Variants in MCTP2 observed in about 807,000 individuals in gnomAD.
The protein encoded by MCTP2 is multiple C2 and transmembrane domain containing 2, also known as multiple C2 and transmembrane domain-containing protein 2.
Under a neutral mutation model 111.6 loss-of-function variants are expected in MCTP2, and 132 were observed. That is an observed-to-expected ratio of 1.18 (90% CI 1.03 to 1.37). The LOEUF (loss-of-function observed/expected upper bound fraction) is 1.37. Ranked by LOEUF, MCTP2 falls within the 40% of genes most tolerant of loss-of-function variation. The pLI, the probability that MCTP2 is intolerant of heterozygous loss-of-function variation, is 0.00. For synonymous variants in MCTP2, 395 were observed against 387.7 expected (o/e 1.02, Z -0.22); for missense variants, 1,183 against 1,067.9 (o/e 1.11, Z -1.50).
intron 4 of MCTP2, 65 bp downstream of exon 4, chr15:94,315,702 A>G: frequency 4.3e-6 from 5 of 1,162,436 alleles, no homozygotes; most frequent in Middle Eastern, 1.9e-4. Context: ...CCTTGTATCA[A>G]TATTGTCAGT....
At chr15:94,378,242 C>G in intron 12 of MCTP2, among the ~76,000 whole-genome samples, 1 of 151,936 alleles carries the variant, frequency 6.6e-6, no homozygotes, top group Non-Finnish European at 1.5e-5. Context: ...ATATTTAGGG[C>G]CAAGCGCAGT....
At chr15:94,376,469 C>T (rs776386903) in intron 12 of MCTP2, among the ~76,000 whole-genome samples, 1 of 152,208 alleles carries the variant, frequency 6.6e-6, no homozygotes, top group Non-Finnish European at 1.5e-5. Flanking sequence ...CTCCCACATA[C>T]TGGCCTTAGG....
chr15:94,343,036 G>A (rs1446048127), intron 7 of MCTP2: 3 of 119,176 alleles, frequency 2.5e-5, no homozygotes, highest in Non-Finnish European at 3.8e-5. Context: ...ATATACATAT[G>A]GAGATAAACA....
chr15:94,303,109 A>ATATAGTT lies in MCTP2; in HGVS notation c.465+4383_465+4384insGTTTATA, dbSNP rs1167800968. On this transcript the variant is annotated intron_variant, in intron 2 of 22. Transcript: ENST00000357742. ...TATATAGTTTATATAGTTTATATAT[A>ATATAGTT]TATATAGTTTATATATATAGTTTAT... 2.7e-3 allele frequency among the ~76,000 whole-genome samples: 347 copies of ATATAGTT among 130,796 alleles called. 4 individuals are homozygous for ATATAGTT. Among genetic ancestry groups the ATATAGTT allele is most frequent in the Non-Finnish European group, 1.5e-3 (94 of 64,246 alleles). The allele number at this position is 130,796 out of a possible 152,430, so 85.8% of individuals were successfully genotyped here. A position where few individuals can be genotyped will look rare whatever the true frequency, so the allele number is the denominator to read the frequency against.
At chr15:94,268,536 C>T (rs922920885) in intron 1 of MCTP2, among the ~76,000 whole-genome samples, 1 of 152,064 alleles carries the variant, frequency 6.6e-6, no homozygotes, top group Non-Finnish European at 1.5e-5. Context: ...TTGTCCTTCT[C>T]GTTTTCTTGG....
chr15:94,374,894 A>G (rs955042998), intron 12 of MCTP2, among the ~76,000 whole-genome samples: 13 of 152,228 alleles, frequency 8.5e-5, no homozygotes, highest in African/African-American at 2.9e-4. Flanking sequence ...ATGAAGTGAC[A>G]TAACAGCACA....
At chr15:94,289,785 C>G (rs985651503) in intron 1 of MCTP2, among the ~76,000 whole-genome samples, 24 of 152,102 alleles carry the variant, frequency 1.6e-4, no homozygotes, top group Admixed American at 1.2e-3. Context: ...CCCCAGATAC[C>G]CACATCCTTA....
At chr15:94,325,267 G>C (rs563833957) in intron 4 of MCTP2, among the ~76,000 whole-genome samples, 6 of 151,928 alleles carry the variant, frequency 3.9e-5, no homozygotes, top group African/African-American at 1.4e-4. Flanking sequence ...GGTGGTGGTC[G>C]TGGGGCGGGG....
At chr15:94,385,380 A>G in intron 13 of MCTP2, 43 bp from the exon 14 acceptor site, 1 of 1,314,876 alleles carries the variant, frequency 7.6e-7, no homozygotes, top group Middle Eastern at 1.8e-4. Flanking sequence ...AACAGACTTC[A>G]CTTGTGTGTT....
At chr15:94,254,454 T>G (rs1360305101) in intron 1 of MCTP2, among the ~76,000 whole-genome samples, 1 of 152,202 alleles carries the variant, frequency 6.6e-6, no homozygotes, top group East Asian at 1.9e-4. Flanking sequence ...TACATAGGAT[T>G]GGTATTTTTA....
chr15:94,313,693 T>C (rs755384586), intron 2 of MCTP2, among the ~76,000 whole-genome samples: 17 of 151,266 alleles, frequency 1.1e-4, no homozygotes, highest in Non-Finnish European at 2.2e-4. Flanking sequence ...AGAGTGAGAC[T>C]CTGTCTAAAA....
At chr15:94,367,812 T>C in intron 11 of MCTP2, 21 bp downstream of exon 11, 1 of 1,579,446 alleles carries the variant, frequency 6.3e-7, no homozygotes, top group East Asian at 2.3e-5. Context: ...TTCCTTATTG[T>C]ACACTCCCCC....
At chr15:94,451,362 G>A (rs961827486) in intron 19 of MCTP2, among the ~76,000 whole-genome samples, 5 of 152,070 alleles carry the variant, frequency 3.3e-5, no homozygotes, top group African/African-American at 7.2e-5. Context: ...GGTGATGCAG[G>A]CTTGCTCACA....
At chr15:94,350,643 C>T (rs572182922) in intron 8 of MCTP2, among the ~76,000 whole-genome samples, 2 of 152,260 alleles carry the variant, frequency 1.3e-5, no homozygotes, top group African/African-American at 2.4e-5. Flanking sequence ...CTGTGTACCT[C>T]ACTGCTTCAC....
At chr15:94,236,377 C>CTTTTTTTTTTTTTTTTTTTTTTTT (rs71132992) in intron 1 of MCTP2, among the ~76,000 whole-genome samples, 2 of 72,464 alleles carry the variant, frequency 2.8e-5, no homozygotes, top group African/African-American at 5.3e-5. Context: ...TCTTTTTTTT[C>CTTTTTTTTTTTTTTTTTTTTTTTT]TTTTTTTTTT....
rs1476877629 is a variant in MCTP2, at chr15:94,231,675, TGCCGGGTTCACCTGGCAGCGCGCGTGG to T, written c.-66+18_-66+44del. The T allele has an allele frequency of 3.3e-5, 5 of 152,456 alleles. No individual in the cohort carries two copies. The highest frequency in any genetic ancestry group is 4.8e-5 in the African/African-American group (2 of 41,444). The allele number at this position is 152,456 out of a possible 1,614,324, so 9.4% of individuals were successfully genotyped here. The stretch of plus-strand genomic sequence containing the variant: ...CGCGGCCTCGCACAGGTGAGGGCGG[TGCCGGGTTCACCTGGCAGCGCGCGTGG>T]GCCGGGCAGCACGGTCGCCGCCTGG... On this transcript the variant is annotated intron_variant, in intron 1 of 22. Transcript: ENST00000357742.
chr15:94,395,699 T>G (rs2081248023), intron 14 of MCTP2, among the ~76,000 whole-genome samples: 1 of 152,202 alleles, frequency 6.6e-6, no homozygotes, highest in Admixed American at 6.6e-5. Context: ...CTGTGCTTAC[T>G]GCTTGGTAAA....
chr15:94,321,300 G>T (rs2076619566), intron 4 of MCTP2, among the ~76,000 whole-genome samples: 1 of 152,136 alleles, frequency 6.6e-6, no homozygotes, highest in Admixed American at 6.6e-5. Context: ...TAGAAGAGAA[G>T]ATTTGGAATA....
intron 1 of MCTP2, among the ~76,000 whole-genome samples, chr15:94,234,405 C>T (rs2070397976): frequency 6.6e-6 from 1 of 152,186 alleles, no homozygotes; most frequent in Non-Finnish European, 1.5e-5. Flanking sequence ...CTTACAAAAA[C>T]AGGAGTGCTG....
Sources: gnomAD v4.1 joint callset for allele counts (sites outside exome capture counted in the v4.1 genomes callset) on GRCh38, gnomAD v4.1.1 for gene constraint, MANE v1.5 for transcripts, NCBI Gene and HGNC (gene_info 2026-07-23, HGNC 2026-07-21) for gene names.